SLC24A1: variants seen among roughly 807,000 people sequenced by gnomAD.
The protein encoded by SLC24A1 is sodium/potassium/calcium exchanger 1.
A neutral mutation model predicts 88.1 loss-of-function variants in SLC24A1; 52 were observed. The ratio of observed to expected loss-of-function variants is 0.59; its 90% confidence interval spans 0.47 to 0.74. SLC24A1 has a LOEUF of 0.74. Among genes scored for constraint, SLC24A1 ranks in the 30% least tolerant of loss-of-function variants. The pLI is 0.00. For synonymous variants in SLC24A1, 455 were observed against 498.0 expected, an observed-to-expected ratio of 0.91 and a Z score of 1.15; for missense variants, 1,173 against 1,363.3, an observed-to-expected ratio of 0.86 and a Z score of 2.20.
chr15:65,646,865 A>G (rs112512562), intron 6 of SLC24A1, among the ~76,000 whole-genome samples: 1,251 of 152,332 alleles, frequency 8.2e-3, no homozygotes, highest in Non-Finnish European at 0.014. Context: ...TCATGGTAAC[A>G]TGAGTAGGTC....
intron 2 of SLC24A1, among the ~76,000 whole-genome samples, chr15:65,635,849 AT>A (rs1447833196): frequency 2.0e-5 from 3 of 152,150 alleles, no homozygotes; most frequent in Admixed American, 6.5e-5. Flanking sequence ...CTGTATTATC[AT>A]TGGCCTCAAT....
chr15:65,616,052 A>G (rs1394792887), intron 2 of SLC24A1, among the ~76,000 whole-genome samples: 1 of 152,132 alleles, frequency 6.6e-6, no homozygotes, highest in Non-Finnish European at 1.5e-5. Context: ...TGCAAAGGAC[A>G]TAAACTCATC....
intron 3 of SLC24A1, among the ~76,000 whole-genome samples, chr15:65,639,080 C>T (rs2075035989): frequency 6.6e-6 from 1 of 152,210 alleles, no homozygotes; most frequent in Admixed American, 6.5e-5. Flanking sequence ...CTGACTCTTT[C>T]ATTTACTTCC....
intron 6 of SLC24A1, 40 bp downstream of exon 6, chr15:65,645,743 C>G: frequency 7.0e-7 from 1 of 1,425,704 alleles, no homozygotes; most frequent in Non-Finnish European, 9.7e-7. Context: ...TTGGAGAGGT[C>G]TAGGGAAGGA....
In SLC24A1 at chr15:65,650,266, A is replaced by C; in HGVS notation, c.2233-116A>C. The stretch of plus-strand genomic sequence containing the variant: ...GAATTATCGCACTAGTTTTCTCCTC[A>C]TACTTAAGTTTTCAGATACCTTCTG... On this transcript the variant is annotated intron_variant, in intron 6 of 9. Coordinates refer to ENST00000261892, the MANE Select transcript of SLC24A1 (RefSeq NM_004727.3). The surrounding 1 kb of genome is among the most constrained non-coding windows in gnomAD (Gnocchi z 4.1). The C allele has an allele frequency of 1.3e-6, 1 of 781,290 alleles. No homozygotes were observed. Among genetic ancestry groups the C allele is most frequent in the Non-Finnish European group, 2.1e-6 (1 of 487,540 alleles). 48.4% of individuals were successfully genotyped at this position (781,290 alleles called of 1,614,324 possible). A position where few individuals can be genotyped will look rare whatever the true frequency, so the allele number is the denominator to read the frequency against.
In SLC24A1 at chr15:65,624,478, C is replaced by T. The variant is rs772958253; in HGVS notation, c.398C>T (p.Thr133Ile). Reference sequence around the variant, plus strand: ...ACAACCAAGAATAATTACAGCCCAACAGCAGCAGGTACAGAAAGAAGGAAG... The same window carrying T: ...ACAACCAAGAATAATTACAGCCCAATAGCAGCAGGTACAGAAAGAAGGAAG... ...PTTTKNNYSPTAAGTERRKED... is the reference protein window; with the variant it reads ...PTTTKNNYSPIAAGTERRKED... The change falls in exon 2 of 10, where the codon ACA (threonine) becomes ATA (isoleucine). Residue 133 changes from threonine (T) to isoleucine (I), a missense_variant. Coordinates refer to ENST00000261892, the MANE Select transcript of SLC24A1 (RefSeq NM_004727.3). The T allele has an allele frequency of 1.2e-6, 2 of 1,608,982 alleles. No individual in the cohort carries two copies. Among genetic ancestry groups the T allele is most frequent in the Non-Finnish European group, 1.7e-6 (2 of 1,177,500 alleles).
chr15:65,645,048 C>G (rs2075259689), intron 5 of SLC24A1, among the ~76,000 whole-genome samples: 1 of 152,228 alleles, frequency 6.6e-6, no homozygotes, highest in Non-Finnish European at 1.5e-5. Context: ...CCAGGACTGC[C>G]TGATCCACCC....
At position 65,624,619 on chromosome 15, in the gene SLC24A1, C is replaced by G. The variant is rs1275712201; in HGVS notation, c.539C>G (p.Thr180Ser). ...PRGEMKSYSP[T>S]QVREKVKYTP... ...GGAGAAATGAAGAGCTACAGCCCAA[C>G]TCAAGTGAGGGAAAAGGTGAAGTAT... The change falls in exon 2 of 10, where the codon ACT (threonine) becomes AGT (serine). Residue 180 changes from threonine to serine, a missense_variant. Transcript: ENST00000261892. The G allele has an allele frequency of 3.8e-6, 6 of 1,594,166 alleles. No homozygotes were observed. The highest frequency in any genetic ancestry group is 5.1e-6 in the Non-Finnish European group (6 of 1,170,356).
chr15:65,620,593 GATA>G (rs1449082670), upstream of SLC24A1, among the ~76,000 whole-genome samples: 3 of 152,154 alleles, frequency 2.0e-5, no homozygotes, highest in Non-Finnish European at 4.4e-5. Context: ...AGAATCCCAT[GATA>G]ATAAGACAGA....
chr15:65,651,209 A>C (rs976891490), intron 7 of SLC24A1, among the ~76,000 whole-genome samples: 1 of 152,118 alleles, frequency 6.6e-6, no homozygotes, highest in Non-Finnish European at 1.5e-5. Flanking sequence ...TTTGACTCCT[A>C]TCTCAGTTTC....
intron 4 of SLC24A1, chr15:65,644,160 G>A: frequency 2.3e-6 from 1 of 436,054 alleles, no homozygotes; most frequent in Non-Finnish European, 4.2e-6. Context: ...TTACCAGAGA[G>A]GAAATAGGCC....
intron 3 of SLC24A1, among the ~76,000 whole-genome samples, chr15:65,638,954 A>G (rs1387876996): frequency 2.6e-5 from 4 of 152,158 alleles, no homozygotes; most frequent in Non-Finnish European, 5.9e-5. Context: ...TCTGTACAGT[A>G]TAGATGTGTG....
At chr15:65,648,088 G>A (rs142749035) in intron 6 of SLC24A1, among the ~76,000 whole-genome samples, 9,540 of 152,068 alleles carry the variant, frequency 0.063, 311 homozygotes, top group African/African-American at 0.091. Context: ...GTGAAACCCC[G>A]TCTCTACTAA....
upstream of SLC24A1, among the ~76,000 whole-genome samples, chr15:65,619,509 T>G (rs2074252466): frequency 6.6e-6 from 1 of 151,960 alleles, no homozygotes. Flanking sequence ...GCATTAAAAT[T>G]TGCAACCCAT....
In SLC24A1 at chr15:65,651,021, CAAGAG is replaced by C; in HGVS notation, c.2793+80_2793+84del. On this transcript the variant is annotated intron_variant, in intron 7 of 9. Transcript: ENST00000261892. ...TCTCTCGGCATGCGGGGCTCACACT[CAAGAG>C]GAGGAAGAGGCCAGGGACAACCAGC... 4 of 1,256,262 alleles carry C rather than the reference CAAGAG, an allele frequency of 3.2e-6. No individual in the cohort carries two copies. The South Asian group carries it at 4.9e-5, about 15-fold the overall frequency. 77.8% of individuals were successfully genotyped at this position (1,256,262 alleles called of 1,614,324 possible).
At position 65,625,202 on chromosome 15, in the gene SLC24A1, A is replaced by G. The variant is rs755663087; in HGVS notation, c.1122A>G (p.Ala374=). 3 of 1,613,712 alleles carry G rather than the reference A, an allele frequency of 1.9e-6. No individual in the cohort carries two copies. In the African/African-American group the frequency reaches 4.0e-5, roughly 22 times the overall value. The stretch of plus-strand genomic sequence containing the variant: ...GGCTGGCAAAGAAACCTTCCACAGC[A>G]CCCAGCACCTCAACAACCCCTACGG... ...VWRLAKKPST[A]PSTSTTPTVR... is the part of the protein sequence containing the mutation. Residue 374 remains alanine (A), a synonymous_variant, in exon 2 of 10, where the codon GCA becomes GCG. Coordinates refer to ENST00000261892, the MANE Select transcript of SLC24A1 (RefSeq NM_004727.3).
At position 65,639,666 on chromosome 15, in the gene SLC24A1, C is replaced by A; in HGVS notation, c.2016C>A (p.Tyr672Ter). 2.5e-6 allele frequency: 4 copies of A among 1,613,102 alleles called. No homozygotes were observed. Among genetic ancestry groups the A allele is most frequent in the Non-Finnish European group, 3.4e-6 (4 of 1,179,534 alleles). Residue 672 changes from tyrosine to a stop codon, truncating the protein, a stop_gained, in exon 4 of 10, where the codon TAC (tyrosine) becomes TAA (stop). Coordinates refer to ENST00000261892, the MANE Select transcript of SLC24A1 (RefSeq NM_004727.3). LOFTEE classifies it high-confidence loss of function. ...ACAGCACCATCCGCAGCACCATCTA[C>A]CAGCTCATGCTCCACAGCCTGGACC... ...LHNSTIRSTI[Y>*]QLMLHSLDPL...
At chr15:65,657,440 G>A (rs1222273294), downstream of SLC24A1, among the ~76,000 whole-genome samples, 5 of 152,120 alleles carry the variant, frequency 3.3e-5, no homozygotes, top group Non-Finnish European at 7.4e-5. Context: ...AGTAGATCGA[G>A]ACCATCCTGG....
rs1185701885 is a variant in SLC24A1 at position 65,654,628 on chromosome 15, A to G, written c.*549A>G. 1.6e-5 allele frequency: 20 copies of G among 1,257,858 alleles called. No homozygotes were observed. Among genetic ancestry groups the G allele is most frequent in the Middle Eastern group, 3.5e-4 (1 of 2,874 alleles). The allele number at this position is 1,257,858 out of a possible 1,614,324, so 77.9% of individuals were successfully genotyped here. A position where few individuals can be genotyped will look rare whatever the true frequency, so the allele number is the denominator to read the frequency against. ...TGAGTCTAAGGATCCAAGGCTACAG[A>G]AAAAAAAGAAATATAACAGGAATTA... On this transcript the variant is annotated 3_prime_UTR_variant, in exon 10 of 10. Transcript: ENST00000261892.
Sources: allele counts gnomAD v4.1 joint callset (sites outside exome capture counted in the v4.1 genomes callset), GRCh38; gene constraint gnomAD v4.1.1; non-coding constraint Gnocchi (gnomAD v3.1); transcripts MANE v1.5; gene names NCBI Gene and HGNC (gene_info 2026-07-23, HGNC 2026-07-21).